The following CD80 variants were observed in gnomAD, a reference collection of about 807,000 sequenced individuals.
The protein encoded by CD80 is CD80 molecule, also known as T-lymphocyte activation antigen CD80.
CD80 carries 13 observed loss-of-function variants against 27.1 expected under a neutral mutation model. That is an observed-to-expected ratio of 0.48 (90% CI 0.31 to 0.76). The LOEUF is 0.76. Among genes scored for constraint, CD80 ranks in the 30% least tolerant of loss-of-function variants. CD80 has a pLI of 0.04. For synonymous variants in CD80, 125 were observed against 125.5 expected (o/e 1.00, Z 0.03); for missense variants, 277 against 347.9 (o/e 0.80, Z 1.62).
chr3:119,529,695 G>A lies in CD80; in HGVS notation c.796+147C>T, dbSNP rs1023399664. The A allele has an allele frequency of 6.6e-6, 4 of 606,094 alleles. No individual in the cohort carries two copies. In the African/African-American group the frequency reaches 7.5e-5, roughly 11 times the overall value. The allele number at this position is 606,094 out of a possible 1,614,324, so 37.5% of individuals were successfully genotyped here. Reference sequence around the variant, plus strand: ...CCAGTGAATGAACAGAACTTGTTGAGACAAGTAAAGGAGATGCTCATGTTT... The same window carrying A: ...CCAGTGAATGAACAGAACTTGTTGAAACAAGTAAAGGAGATGCTCATGTTT... On this transcript the variant is annotated intron_variant, in intron 5 of 6. Coordinates refer to ENST00000264246, the MANE Select transcript of CD80 (RefSeq NM_005191.4).
chr3:119,555,519 C>T lies in CD80; in HGVS notation c.100+2110G>A, dbSNP rs140432575. Among the ~76,000 whole-genome samples the T allele has an allele frequency of 1.6e-3, 249 of 152,318 alleles. 1 individual carries two copies. The highest frequency in any genetic ancestry group is 2.8e-3 in the Non-Finnish European group (188 of 68,036). The stretch of plus-strand genomic sequence containing the variant: ...CCCTTCCAGCTTCCTGAATAACATG[C>T]GGATTCATGATTATAACTCACAAGT... On this transcript the variant is annotated intron_variant, in intron 2 of 6. Transcript: ENST00000264246.
chr3:119,538,819 A>T (rs1577109255), intron 3 of CD80, among the ~76,000 whole-genome samples: 1 of 152,220 alleles, frequency 6.6e-6, no homozygotes, highest in Non-Finnish European at 1.5e-5. Context: ...TCTTGGAGAA[A>T]GGAAAATGCT....
intron 4 of CD80, among the ~76,000 whole-genome samples, chr3:119,532,290 T>C (rs559031884): frequency 4.1e-4 from 63 of 152,068 alleles, no homozygotes; most frequent in African/African-American, 1.4e-3. Context: ...TCACCTGAGG[T>C]CAGGAGTTCG....
chr3:119,553,571 G>A (rs1036067561), intron 2 of CD80, among the ~76,000 whole-genome samples: 3 of 152,208 alleles, frequency 2.0e-5, no homozygotes, highest in Non-Finnish European at 4.4e-5. Context: ...GGAGGATGCA[G>A]TGGCCAGTCT....
At chr3:119,554,145 G>A (rs2082250431) in intron 2 of CD80, among the ~76,000 whole-genome samples, 2 of 152,192 alleles carry the variant, frequency 1.3e-5, no homozygotes, top group South Asian at 4.1e-4. Context: ...TCCTTAAAAT[G>A]CACAGGGACT....
intron 4 of CD80, among the ~76,000 whole-genome samples, chr3:119,534,529 C>T (rs2082126551): frequency 6.6e-6 from 1 of 152,088 alleles, no homozygotes; most frequent in Admixed American, 6.6e-5. Context: ...AAAATATTTA[C>T]TATCTGGCTC....
intron 3 of CD80, among the ~76,000 whole-genome samples, chr3:119,543,539 C>T (rs2082183344): frequency 6.6e-6 from 1 of 151,832 alleles, no homozygotes. Flanking sequence ...TCACTGCAAC[C>T]TCCGCCTCCC....
intron 1 of CD80, among the ~76,000 whole-genome samples, chr3:119,558,355 A>G (rs1002041061): frequency 1.3e-5 from 2 of 152,208 alleles, no homozygotes; most frequent in Non-Finnish European, 2.9e-5. Flanking sequence ...TCAATTCTTT[A>G]AACCCTCTAC....
chr3:119,544,698 C>T lies in CD80; in HGVS notation c.270G>A (p.Arg90=). Residue 90 remains arginine (R), a synonymous_variant, in exon 3 of 7, where the codon CGG becomes CGA. Coordinates refer to ENST00000264246, the MANE Select transcript of CD80 (RefSeq NM_005191.4). ...GGTTATTAGTGATATCAAAGATGGT[C>T]CGGTTCTTGTACTCGGGCCATATAT... is the stretch of plus-strand genomic sequence containing the variant. ...DMNIWPEYKN[R]TIFDITNNLS... 1 of 1,614,182 alleles carries T rather than the reference C, an allele frequency of 6.2e-7. No individual in the cohort carries two copies. The highest frequency in any genetic ancestry group is 2.2e-5 in the East Asian group (1 of 44,878).
intron 3 of CD80, among the ~76,000 whole-genome samples, chr3:119,539,335 A>C (rs189645662): frequency 3.9e-5 from 6 of 152,228 alleles, no homozygotes; most frequent in African/African-American, 1.4e-4. Flanking sequence ...ACTGGGATGA[A>C]GCTATGCTAG....
intron 3 of CD80, among the ~76,000 whole-genome samples, chr3:119,543,359 C>T (rs2082180926): frequency 6.6e-6 from 1 of 151,608 alleles, no homozygotes; most frequent in African/African-American, 2.4e-5. Flanking sequence ...TAGTTTTTTT[C>T]CTTGTGGCAG....
intron 4 of CD80, among the ~76,000 whole-genome samples, chr3:119,533,543 T>C (rs1020194704): frequency 2.6e-5 from 4 of 152,080 alleles, no homozygotes; most frequent in African/African-American, 9.7e-5. Context: ...GACTGAATTA[T>C]GGGGGCGAGT....
chr3:119,542,224 C>T (rs1190685083), intron 3 of CD80, among the ~76,000 whole-genome samples: 1 of 151,836 alleles, frequency 6.6e-6, no homozygotes, highest in East Asian at 1.9e-4. Flanking sequence ...AATCACATCA[C>T]CATATAATAA....
intron 2 of CD80, among the ~76,000 whole-genome samples, chr3:119,554,594 C>T (rs542875138): frequency 1.3e-5 from 2 of 152,292 alleles, no homozygotes; most frequent in African/African-American, 2.4e-5. Context: ...AGAGGAGTCC[C>T]TTCCCCTGGG....
chr3:119,542,182 C>T (rs1258055617), intron 3 of CD80, among the ~76,000 whole-genome samples: 1 of 151,120 alleles, frequency 6.6e-6, no homozygotes, highest in Non-Finnish European at 1.5e-5. Context: ...AGGTGAAAAT[C>T]GTGGAAGAGG....
At chr3:119,540,084 C>T (rs771227001) in intron 3 of CD80, among the ~76,000 whole-genome samples, 5 of 152,204 alleles carry the variant, frequency 3.3e-5, no homozygotes, top group Non-Finnish European at 5.9e-5. Flanking sequence ...TCCAGAGTAG[C>T]TGGGACTACA....
intron 2 of CD80, among the ~76,000 whole-genome samples, chr3:119,555,351 C>T (rs2082258358): frequency 1.3e-5 from 2 of 152,142 alleles, no homozygotes; most frequent in African/African-American, 2.4e-5. Context: ...TTATATCTAT[C>T]ATTACAGTAT....
At chr3:119,551,346 G>A (rs2082230701) in intron 2 of CD80, among the ~76,000 whole-genome samples, 1 of 152,158 alleles carries the variant, frequency 6.6e-6, no homozygotes, top group Non-Finnish European at 1.5e-5. Context: ...TTAATTCCGG[G>A]TGCAACAGTG....
chr3:119,530,066 A>G, intron 4 of CD80, 129 bp from the exon 5 acceptor site: 1 of 610,802 alleles, frequency 1.6e-6, no homozygotes, highest in Non-Finnish European at 2.9e-6. Context: ...TGCAGCTGCT[A>G]GCATTTTTCT....
Sources: allele counts gnomAD v4.1 joint callset (sites outside exome capture counted in the v4.1 genomes callset), GRCh38; gene constraint gnomAD v4.1.1; transcripts MANE v1.5; gene names NCBI Gene and HGNC (gene_info 2026-07-23, HGNC 2026-07-21).